RAD54B: variants seen among roughly 807,000 people sequenced by gnomAD.
RAD54B encodes DNA repair and recombination protein RAD54B.
A neutral mutation model predicts 95.8 loss-of-function variants in RAD54B; 78 were observed. The ratio of observed to expected loss-of-function variants is 0.81; its 90% CI spans 0.68 to 0.98. The LOEUF (loss-of-function observed/expected upper bound fraction) is 0.98. RAD54B is among the 50% of genes least tolerant of loss of function. The pLI is 0.00. For synonymous variants in RAD54B, 328 were observed against 354.9 expected, an observed-to-expected ratio of 0.92 and a Z score of 0.85; for missense variants, 957 against 1,056.6, an observed-to-expected ratio of 0.91 and a Z score of 1.31.
chr8:94,379,373 C>G (rs1273938574), intron 12 of RAD54B, among the ~76,000 whole-genome samples: 1 of 152,122 alleles, frequency 6.6e-6, no homozygotes, highest in Non-Finnish European at 1.5e-5. Context: ...GATGAACTTC[C>G]CTGGTGGACA....
In RAD54B at chr8:94,405,382, G is replaced by A. The variant is rs149575771; in HGVS notation, c.782-1143C>T. 5.5e-3 allele frequency among the ~76,000 whole-genome samples: 844 copies of A among 152,126 alleles called. 8 individuals are homozygous for A. The highest frequency in any genetic ancestry group is 0.027 in the Middle Eastern group (8 of 294). On this transcript the variant is annotated intron_variant, in intron 5 of 14. Transcript: ENST00000336148. ...AAAAAGAATGAGGAGATGAGAAGAG[G>A]AGATAAAAAGAAATAGACTCCAGTA...
rs1563642129 is a variant in RAD54B at position 94,399,568 on chromosome 8, G to A, written c.1224C>T (p.Ile408=). 1 of 1,612,650 alleles carries A rather than the reference G, an allele frequency of 6.2e-7. No individual in the cohort carries two copies. Among genetic ancestry groups the A allele is most frequent in the South Asian group, 1.1e-5 (1 of 91,028 alleles). The change falls in exon 8 of 15, where the codon ATC becomes ATT. Residue 408 remains isoleucine, a synonymous_variant. Transcript: ENST00000336148. ...GGGAACGAAGTAACATTTCATAACTGATAATAAGAACAGAATAAAATATAG... is the reference window on the plus strand; with the variant it reads ...GGGAACGAAGTAACATTTCATAACTAATAATAAGAACAGAATAAAATATAG... ...IKSIFYSVLI[I]SYEMLLRSLD...
At chr8:94,423,654 G>A (rs1467020174) in intron 3 of RAD54B, among the ~76,000 whole-genome samples, 1 of 152,008 alleles carries the variant, frequency 6.6e-6, no homozygotes, top group Non-Finnish European at 1.5e-5. Flanking sequence ...AGCTGTCATG[G>A]GTTATTTTCG....
chr8:94,409,328 C>A (rs988243314), intron 4 of RAD54B, among the ~76,000 whole-genome samples: 1 of 151,794 alleles, frequency 6.6e-6, no homozygotes, highest in Non-Finnish European at 1.5e-5. Flanking sequence ...AAATCAGAGC[C>A]TCAAAGAAAG....
At chr8:94,459,569 G>A (rs1812854648) in intron 2 of RAD54B, among the ~76,000 whole-genome samples, 1 of 151,842 alleles carries the variant, frequency 6.6e-6, no homozygotes, top group Non-Finnish European at 1.5e-5. Context: ...AACTAAAGAT[G>A]AAACAAGAGG....
rs762354846 is a variant in RAD54B at position 94,380,227 on chromosome 8, GC to G, written c.2164del (p.Ala722LeufsTer4). 1.2e-6 allele frequency: 2 copies of G among 1,613,834 alleles called. No individual in the cohort carries two copies. Among genetic ancestry groups the G allele is most frequent in the East Asian group, 4.5e-5 (2 of 44,846 alleles). ...AATGAGGTTAAGTCCTACACCACCAGCTTTTGAACTTAACAAAAAAATAAAA... is the reference window on the plus strand; with the variant it reads ...AATGAGGTTAAGTCCTACACCACCAGTTTTGAACTTAACAAAAAAATAAAA... ...SFFIFLLSSK[A>X]GGVGLNLIGG... On this transcript the variant is annotated frameshift_variant, in exon 12 of 15. Coordinates refer to ENST00000336148, the MANE Select transcript of RAD54B (RefSeq NM_012415.3). LOFTEE classifies it high-confidence loss of function.
At chr8:94,445,995 T>C (rs185038686) in intron 3 of RAD54B, among the ~76,000 whole-genome samples, 210 of 152,320 alleles carry the variant, frequency 1.4e-3, no homozygotes, top group African/African-American at 4.7e-3. Context: ...GGTAGGTTTA[T>C]GGGTGTTCAA....
At chr8:94,467,643 T>G in intron 1 of RAD54B, 88 bp from the exon 2 acceptor site, 1 of 1,341,888 alleles carries the variant, frequency 7.5e-7, no homozygotes, top group Non-Finnish European at 1.0e-6. Flanking sequence ...ACAACTAAGA[T>G]GGAACAGAAA....
intron 3 of RAD54B, chr8:94,436,431 T>C: frequency 6.8e-7 from 1 of 1,461,338 alleles, no homozygotes; most frequent in East Asian, 2.5e-5. Flanking sequence ...CTATCACGAC[T>C]AAGCCAAAGC....
chr8:94,452,206 C>T (rs1812671346), intron 3 of RAD54B, among the ~76,000 whole-genome samples: 1 of 152,232 alleles, frequency 6.6e-6, no homozygotes, highest in South Asian at 2.1e-4. Context: ...CCCTCACCTC[C>T]TAATATTAAT....
chr8:94,439,584 G>C (rs1382603482), intron 3 of RAD54B, among the ~76,000 whole-genome samples: 1 of 149,698 alleles, frequency 6.7e-6, no homozygotes, highest in Non-Finnish European at 1.5e-5. Context: ...GTGGCGTATG[G>C]CTTACTTTTA....
At chr8:94,421,801 C>T (rs1360107348) in intron 3 of RAD54B, among the ~76,000 whole-genome samples, 3 of 152,200 alleles carry the variant, frequency 2.0e-5, no homozygotes, top group Non-Finnish European at 2.9e-5. Context: ...CAACTCATCT[C>T]TGATCTGAAT....
intron 3 of RAD54B, among the ~76,000 whole-genome samples, chr8:94,438,737 A>G (rs1002799128): frequency 2.6e-5 from 4 of 152,254 alleles, no homozygotes; most frequent in African/African-American, 9.6e-5. Context: ...CTCACTAGTT[A>G]TCAGGGAAAT....
chr8:94,407,864 G>A (rs1311878556), intron 4 of RAD54B, 144 bp from the exon 5 acceptor site: 25 of 571,246 alleles, frequency 4.4e-5, no homozygotes, highest in South Asian at 1.8e-4. Flanking sequence ...TTAACATTTT[G>A]GTTAAAAAAA....
At chr8:94,390,354 G>T (rs1199656498) in intron 10 of RAD54B, among the ~76,000 whole-genome samples, 2 of 151,384 alleles carry the variant, frequency 1.3e-5, no homozygotes, top group Non-Finnish European at 1.5e-5. Flanking sequence ...ACAAAAATTA[G>T]CTGGGTGTGG....
intron 3 of RAD54B, among the ~76,000 whole-genome samples, chr8:94,447,326 G>A (rs1415282729): frequency 1.3e-5 from 2 of 152,198 alleles, no homozygotes; most frequent in African/African-American, 4.8e-5. Flanking sequence ...GTAAAAATAT[G>A]TTGAGCTAAA....
intron 3 of RAD54B, among the ~76,000 whole-genome samples, chr8:94,422,618 ATATATATATATATATAT>A (rs1282187357): frequency 8.3e-5 from 2 of 24,140 alleles, no homozygotes; most frequent in Non-Finnish European, 1.4e-4. Context: ...AAAAAAAAAA[ATATATATATATATATAT>A]ATATATATAT....
intron 3 of RAD54B, among the ~76,000 whole-genome samples, chr8:94,441,959 C>T (rs1232483803): frequency 3.9e-5 from 6 of 151,932 alleles, no homozygotes; most frequent in Non-Finnish European, 5.9e-5. Flanking sequence ...AAAATGTTTA[C>T]GAAACAGTCA....
chr8:94,435,422 C>G (rs1812229048), intron 3 of RAD54B, among the ~76,000 whole-genome samples: 2 of 152,020 alleles, frequency 1.3e-5, no homozygotes, highest in Non-Finnish European at 2.9e-5. Flanking sequence ...TGCTTCTCTC[C>G]TAATTTCAAA....
Sources: gnomAD v4.1 joint callset for allele counts (sites outside exome capture counted in the v4.1 genomes callset) on GRCh38, gnomAD v4.1.1 for gene constraint, MANE v1.5 for transcripts, NCBI Gene and HGNC (gene_info 2026-07-23, HGNC 2026-07-21) for gene names.